Variants in PDE8A observed in about 807,000 individuals in gnomAD.
The protein encoded by PDE8A is phosphodiesterase 8A, also known as high affinity cAMP-specific and IBMX-insensitive 3',5'-cyclic phosphodiesterase 8A.
PDE8A carries 59 observed loss-of-function variants against 105.0 expected under a neutral mutation model. That is an observed-to-expected ratio of 0.56 (90% confidence interval 0.46 to 0.70). The LOEUF is 0.70. Among genes scored for constraint, PDE8A ranks in the 30% least tolerant of loss-of-function variants. PDE8A has a pLI of 0.00. For synonymous variants in PDE8A, 355 were observed against 371.9 expected (o/e 0.95, Z 0.52); for missense variants, 1,014 against 1,045.9 (o/e 0.97, Z 0.42).
chr15:85,084,757 A>C (rs1368809860), intron 6 of PDE8A, among the ~76,000 whole-genome samples: 2 of 152,214 alleles, frequency 1.3e-5, no homozygotes, highest in Non-Finnish European at 2.9e-5. Flanking sequence ...TCGAAACTGC[A>C]TTCATTCTTT....
intron 5 of PDE8A, among the ~76,000 whole-genome samples, chr15:85,079,317 A>G (rs999660634): frequency 1.3e-5 from 2 of 152,244 alleles, no homozygotes; most frequent in Non-Finnish European, 2.9e-5. Flanking sequence ...TTACAGACTT[A>G]TCTAAGAGGT....
intron 1 of PDE8A, among the ~76,000 whole-genome samples, chr15:84,982,928 G>A (rs1022188100): frequency 4.6e-5 from 7 of 152,172 alleles, no homozygotes; most frequent in Admixed American, 2.6e-4. Flanking sequence ...CATACATACT[G>A]TATTTAAAGC....
chr15:85,043,708 G>GTTTT (rs200898662), intron 1 of PDE8A, among the ~76,000 whole-genome samples: 6,090 of 150,962 alleles, frequency 0.04, 463 homozygotes, highest in African/African-American at 0.14. Context: ...TTGTTTGTTT[G>GTTTT]TTTTTTTGAG....
Position 85,126,244 on chromosome 15 carries a change from T to C in PDE8A, c.2123T>C (p.Leu708Pro), listed in dbSNP as rs762933083. 3 of 1,612,844 alleles carry C rather than the reference T, an allele frequency of 1.9e-6. No individual in the cohort carries two copies. The highest frequency in any genetic ancestry group is 2.2e-5 in the South Asian group (2 of 90,810). ...AACCAGGAAGTGATAAACACTATGC[T>C]TAGGACTCCAGAGAACCGGACCCTA... ...DKNQEVINTMLRTPENRTLIK... is the reference protein window; with the variant it reads ...DKNQEVINTMPRTPENRTLIK... The change falls in exon 20 of 22, where the codon CTT becomes CCT. Residue 708 changes from leucine (L) to proline (P), a missense_variant. Transcript: ENST00000394553.
chr15:85,020,532 A>AG (rs1396391077), intron 1 of PDE8A, among the ~76,000 whole-genome samples: 2 of 152,188 alleles, frequency 1.3e-5, no homozygotes, highest in African/African-American at 4.8e-5. Flanking sequence ...TGAACACGGG[A>AG]GGTGGAGGTT....
In PDE8A at chr15:85,100,060, C is replaced by A; in HGVS notation, c.987C>A (p.Asn329Lys). ...CCATTATCAGAGTGTGCAATGGCAA[C>A]AATAAGGTACGTAAGGAGAGCCCCC... ...YVSIIRVCNG[N>K]NKAEKISECV... is the part of the protein sequence containing the mutation. Residue 329 changes from asparagine (N) to lysine (K), a missense_variant, in exon 10 of 22, where the codon AAC (asparagine) becomes AAA (lysine). Asn to Lys is a moderately conservative substitution (Grantham distance 94). Coordinates refer to ENST00000394553, the MANE Select transcript of PDE8A (RefSeq NM_002605.3). 2 of 1,613,660 alleles carry A rather than the reference C, an allele frequency of 1.2e-6. No individual in the cohort carries two copies. The highest frequency in any genetic ancestry group is 1.3e-5 in the African/African-American group (1 of 75,002).
Position 85,113,900 on chromosome 15 carries a change from G to A in PDE8A, c.1213G>A (p.Glu405Lys), listed in dbSNP as rs2082056243. The A allele has an allele frequency of 6.2e-7, 1 of 1,613,412 alleles. No individual in the cohort carries two copies. Among genetic ancestry groups the A allele is most frequent in the Non-Finnish European group, 8.5e-7 (1 of 1,179,480 alleles). The change falls in exon 14 of 22, where the codon GAA (glutamate) becomes AAA (lysine). Residue 405 changes from glutamate (E) to lysine (K), a missense_variant. Glu to Lys is a moderately conservative substitution (Grantham distance 56). Transcript: ENST00000394553. ...AATCAATATTATCAATGCTGCCCAG[G>A]AAAGTAGTCCCATGCCTGTGACAGA... ...KVINIINAAQ[E>K]SSPMPVTEAL... is the part of the protein sequence containing the mutation.
intron 4 of PDE8A, among the ~76,000 whole-genome samples, chr15:85,076,156 A>G (rs920251835): frequency 1.3e-5 from 2 of 152,192 alleles, no homozygotes; most frequent in African/African-American, 4.8e-5. Flanking sequence ...CAGGCGAACT[A>G]TGAGAGAATT....
chr15:85,058,654 G>T (rs1274027637), intron 1 of PDE8A, among the ~76,000 whole-genome samples: 1 of 152,026 alleles, frequency 6.6e-6, no homozygotes, highest in Non-Finnish European at 1.5e-5. Flanking sequence ...CTAGGAATTT[G>T]TCCATTTTAT....
At chr15:85,039,454 C>T (rs186124423) in intron 1 of PDE8A, among the ~76,000 whole-genome samples, 12 of 151,094 alleles carry the variant, frequency 7.9e-5, no homozygotes, top group African/African-American at 2.4e-4. Flanking sequence ...GGAAAATAAA[C>T]GTTGGTGAGG....
chr15:85,096,128 G>A (rs1220095517), intron 8 of PDE8A, among the ~76,000 whole-genome samples: 1 of 152,082 alleles, frequency 6.6e-6, no homozygotes, highest in African/African-American at 2.4e-5. Context: ...ACTCGCCTCA[G>A]CCTCCCAAAG....
intron 1 of PDE8A, among the ~76,000 whole-genome samples, chr15:84,998,094 T>G (rs2080009064): frequency 6.6e-6 from 1 of 152,268 alleles, no homozygotes; most frequent in African/African-American, 2.4e-5. Context: ...TTACATTTAC[T>G]TATTGAAATC....
intron 20 of PDE8A, among the ~76,000 whole-genome samples, chr15:85,128,038 T>A (rs1360510500): frequency 7.5e-6 from 1 of 133,114 alleles, no homozygotes; most frequent in Non-Finnish European, 1.5e-5. Context: ...TTAGGATAAT[T>A]GGATATTCCT....
intron 1 of PDE8A, among the ~76,000 whole-genome samples, chr15:85,014,816 T>G (rs1257480264): frequency 6.6e-6 from 1 of 152,130 alleles, no homozygotes; most frequent in East Asian, 1.9e-4. Context: ...AAGTAGACAA[T>G]TCATTGGTTT....
intron 5 of PDE8A, among the ~76,000 whole-genome samples, chr15:85,077,839 T>C (rs1306734140): frequency 3.9e-5 from 6 of 152,000 alleles, no homozygotes; most frequent in Admixed American, 3.9e-4. Flanking sequence ...CAAAACTGAA[T>C]TGTAAGAAAT....
At chr15:84,993,807 G>C (rs541061180) in intron 1 of PDE8A, among the ~76,000 whole-genome samples, 196 of 152,282 alleles carry the variant, frequency 1.3e-3, no homozygotes, top group South Asian at 2.3e-3. Flanking sequence ...AGGATTGCTT[G>C]AGGCTGGGAG....
In PDE8A at chr15:84,997,339, G is replaced by A. The variant is rs944146275; in HGVS notation, c.186+14991G>A. ...CTCCTAAGTAGCTGGGACTGCAGGTGTGCACCACCATGCCTGGCTAATTTT... is the reference window on the plus strand; with the variant it reads ...CTCCTAAGTAGCTGGGACTGCAGGTATGCACCACCATGCCTGGCTAATTTT... On this transcript the variant is annotated intron_variant, in intron 1 of 21. Coordinates refer to ENST00000394553, the MANE Select transcript of PDE8A (RefSeq NM_002605.3). 1.9e-4 allele frequency among the ~76,000 whole-genome samples: 29 copies of A among 151,784 alleles called. 1 individual carries two copies. The highest frequency in any genetic ancestry group is 9.2e-4 in the Admixed American group (14 of 15,224).
intron 1 of PDE8A, among the ~76,000 whole-genome samples, chr15:84,999,502 C>T (rs2080032404): frequency 1.3e-5 from 2 of 152,214 alleles, no homozygotes; most frequent in African/African-American, 2.4e-5. Context: ...AGGAACTGCA[C>T]TGGACACTTG....
chr15:85,022,426 GTT>G (rs3042744), intron 1 of PDE8A, among the ~76,000 whole-genome samples: 62,807 of 134,142 alleles, frequency 0.47, 13,570 homozygotes, highest in East Asian at 0.55. Flanking sequence ...TATTGGAAGT[GTT>G]TTTTTTTTTT....
Sources: allele counts gnomAD v4.1 joint callset (sites outside exome capture counted in the v4.1 genomes callset), GRCh38; gene constraint gnomAD v4.1.1; transcripts MANE v1.5; gene names NCBI Gene and HGNC (gene_info 2026-07-23, HGNC 2026-07-21).